The following MFAP4 variants were observed in gnomAD, a reference collection of about 807,000 sequenced individuals.
The protein encoded by MFAP4 is microfibril-associated glycoprotein 4.
In MFAP4, 20 loss-of-function variants were observed where a neutral mutation model predicts 32.4. The ratio of observed to expected loss-of-function variants is 0.62; its 90% CI spans 0.43 to 0.90. The LOEUF is 0.90. Ranked by LOEUF, MFAP4 falls within the 40% of genes least tolerant of loss-of-function variation. The pLI is 0.00. For synonymous variants in MFAP4, 146 were observed against 137.4 expected (o/e 1.06, Z -0.44); for missense variants, 267 against 329.5 (o/e 0.81, Z 1.47).
At position 19,385,079 on chromosome 17, in the gene MFAP4, A is replaced by T; in HGVS notation, c.520+20T>A. ...TTCTTTCCCCTCACAGCCCCTCCCA[A>T]AGCTAACAGCGGGTTATACCTGCCC... is the stretch of plus-strand genomic sequence containing the variant. On this transcript the variant is annotated intron_variant, in intron 5 of 5. Coordinates refer to ENST00000299610, the MANE Select transcript of MFAP4 (RefSeq NM_002404.3). The T allele has an allele frequency of 6.2e-7, 1 of 1,607,082 alleles. No individual in the cohort carries two copies. Among genetic ancestry groups the T allele is most frequent in the Non-Finnish European group, 8.5e-7 (1 of 1,174,970 alleles).
chr17:19,386,976 T>TTCCCCCCCCCCCCCCCCCCCCCCCCA, intron 1 of MFAP4, 138 bp from the exon 2 acceptor site: 1 of 590,550 alleles, frequency 1.7e-6, no homozygotes, highest in Admixed American at 3.0e-5. Flanking sequence ...CCCTCTTCCC[T>TTCCCCCCCCCCCCCCCCCCCCCCCCA]GCCCCCCCAC....
Position 19,384,589 on chromosome 17 carries a change from A to G in MFAP4, c.641T>C (p.Phe214Ser). Residue 214 changes from phenylalanine to serine, a missense_variant, in exon 6 of 6, where the codon TTT (phenylalanine) becomes TCT (serine). Phe to Ser is a radical substitution (Grantham distance 155, BLOSUM62 -2). This residue lies in a region of MFAP4 where 25 missense variants were observed against 57.5 expected (regional missense o/e 0.43). Coordinates refer to ENST00000299610, the MANE Select transcript of MFAP4 (RefSeq NM_002404.3). ...SGAFWFRSCH[F>S]ANLNGFYLGG... Reference sequence around the variant, plus strand: ...TAGGTAGAAGCCATTGAGGTTGGCAAAGTGGCAGCTGCGGAACCAGAAGGC... The same window carrying G: ...TAGGTAGAAGCCATTGAGGTTGGCAGAGTGGCAGCTGCGGAACCAGAAGGC... The G allele has an allele frequency of 6.2e-7, 1 of 1,613,826 alleles. No homozygotes were observed. Among genetic ancestry groups the G allele is most frequent in the Non-Finnish European group, 8.5e-7 (1 of 1,179,982 alleles).
Position 19,384,497 on chromosome 17 carries a change from G to C in MFAP4, c.733C>G (p.Leu245Val). The C allele has an allele frequency of 6.2e-7, 1 of 1,601,942 alleles. No homozygotes were observed. Among genetic ancestry groups the C allele is most frequent in the Non-Finnish European group, 8.5e-7 (1 of 1,173,940 alleles). ...WAQWKGFYYSLKRTEMKIRRA is the reference protein window; with the variant it reads ...WAQWKGFYYSVKRTEMKIRRA ...CGGATTTTCATCTCAGTGCGTTTGA[G>C]GGAGTAGTAGAAGCCCTTCCACTGG... is the stretch of plus-strand genomic sequence containing the variant. The change falls in exon 6 of 6, where the codon CTC becomes GTC. Residue 245 changes from leucine (L) to valine (V), a missense_variant. Transcript: ENST00000299610.
intron 5 of MFAP4, 123 bp from the exon 6 acceptor site, chr17:19,384,832 C>T (rs528980290): frequency 1.5e-6 from 2 of 1,322,950 alleles, no homozygotes; most frequent in South Asian, 1.3e-5. Context: ...ATGGGGGCAC[C>T]CTCCCTGAGC....
At position 19,385,195 on chromosome 17, in the gene MFAP4, C is replaced by T; in HGVS notation, c.424G>A (p.Ala142Thr). Residue 142 changes from alanine (A) to threonine (T), a missense_variant, in exon 5 of 6, where the codon GCC becomes ACC. Around this residue, in one of 3 missense-constraint regions of MFAP4, gnomAD observed 223 missense variants for 253.3 expected, o/e 0.88. Transcript: ENST00000299610. ...LEDFENNTAY[A>T]KYADFSISPN... is the part of the protein sequence containing the mutation. ...GAGATGGAGAAGTCAGCGTACTTGG[C>T]ATAGGCCGTGTTGTTCTCAAAGTCC... 6.2e-7 allele frequency: 1 copy of T among 1,614,284 alleles called. No homozygotes were observed. The highest frequency in any genetic ancestry group is 8.5e-7 in the Non-Finnish European group (1 of 1,180,040).
At position 19,386,787 on chromosome 17, in the gene MFAP4, G is replaced by T. The variant is rs767180037; in HGVS notation, c.58C>A (p.Pro20Thr). The stretch of plus-strand genomic sequence containing the variant: ...TCTCCTCGGATCCCGGAGACCTGGG[G>T]GGCACACGGGGGCGTGGAGAGAAGC... ...LLLLSTPPCA[P>T]QVSGIRGDAL... The change falls in exon 2 of 6, where the codon CCC becomes ACC. Residue 20 changes from proline (P) to threonine (T), a missense_variant. Pro to Thr is a conservative substitution (Grantham distance 38). Transcript: ENST00000299610. The T allele has an allele frequency of 1.9e-6, 3 of 1,577,014 alleles. No individual in the cohort carries two copies. The highest frequency in any genetic ancestry group is 2.3e-5 in the East Asian group (1 of 42,912).
In MFAP4 at chr17:19,385,160, C is replaced by T. The variant is rs113391585; in HGVS notation, c.459G>A (p.Ala153=). The T allele has an allele frequency of 3.7e-4, 600 of 1,614,278 alleles. 1 individual carries two copies. The highest frequency in any genetic ancestry group is 3.1e-3 in the African/African-American group (232 of 75,074). ...TGTAGCCATCCTCCTCTGCGCTGAC[C>T]GCGTTCGGGGAGATGGAGAAGTCAG... ...KYADFSISPN[A]VSAEEDGYTL... Residue 153 remains alanine (A), a synonymous_variant, in exon 5 of 6, where the codon GCG becomes GCA. Transcript: ENST00000299610.
Position 19,385,092 on chromosome 17 carries a change from G to A in MFAP4, c.520+7C>T, listed in dbSNP as rs1042341021. 6.2e-7 allele frequency: 1 copy of A among 1,612,570 alleles called. No individual in the cohort carries two copies. The highest frequency in any genetic ancestry group is 1.1e-5 in the South Asian group (1 of 90,966). Reference sequence around the variant, plus strand: ...CAGCCCCTCCCAAAGCTAACAGCGGGTTATACCTGCCCCGCCATCCTCAAA... The same window carrying A: ...CAGCCCCTCCCAAAGCTAACAGCGGATTATACCTGCCCCGCCATCCTCAAA... On this transcript the variant is annotated splice_region_variant and intron_variant, in intron 5 of 5. Transcript: ENST00000299610.
In MFAP4 at chr17:19,385,289, G is replaced by C; in HGVS notation, c.338-8C>G. 6.2e-7 allele frequency: 1 copy of C among 1,614,252 alleles called. No individual in the cohort carries two copies. Among genetic ancestry groups the C allele is most frequent in the Non-Finnish European group, 8.5e-7 (1 of 1,180,028 alleles). The stretch of plus-strand genomic sequence containing the variant: ...GGTGCATGTTCTGCAGCCCTGGGGA[G>C]GAGGGGCAGCTGGTCAACAAGGACC... On this transcript the variant is annotated splice_region_variant and splice_polypyrimidine_tract_variant and intron_variant, in intron 4 of 5. Transcript: ENST00000299610.
intron 1 of MFAP4, 139 bp from the exon 2 acceptor site, chr17:19,386,977 G>GGGCCCCCCCCCCCCCCCCCCCCCCAAA: frequency 1.5e-6 from 1 of 689,458 alleles, no homozygotes; most frequent in Non-Finnish European, 2.4e-6. Context: ...CCTCTTCCCT[G>GGGCCCCCCCCCCCCCCCCCCCCCCAAA]CCCCCCCACC....
In MFAP4 at chr17:19,384,810, C is replaced by T. The variant is rs75653490; in HGVS notation, c.521-101G>A. On this transcript the variant is annotated intron_variant, in intron 5 of 5. Transcript: ENST00000299610. ...GACGACTGTGAGAGATATCACGTGG[C>T]AGCCTGGCGGGATGGGGGCACCCTC... 6.2e-3 allele frequency: 9,470 copies of T among 1,520,956 alleles called. 257 individuals are homozygous for T. Among genetic ancestry groups the T allele is most frequent in the South Asian group, 0.053 (4,389 of 82,424 alleles). 94.2% of individuals were successfully genotyped at this position (1,520,956 alleles called of 1,614,324 possible). A position where few individuals can be genotyped will look rare whatever the true frequency, so the allele number is the denominator to read the frequency against.
At chr17:19,386,972 T>TGGCGGGGGG in intron 1 of MFAP4, 134 bp from the exon 2 acceptor site, 2 of 937,014 alleles carry the variant, frequency 2.1e-6, no homozygotes, top group Non-Finnish European at 3.4e-6. Flanking sequence ...TGGCCCCTCT[T>TGGCGGGGGG]CCCTGCCCCC....
At position 19,386,720 on chromosome 17, in the gene MFAP4, C is replaced by T. The variant is rs891565286; in HGVS notation, c.85+40G>A. On this transcript the variant is annotated intron_variant, in intron 2 of 5. Transcript: ENST00000299610. ...ACAGTCCAGCCTCTTCTTGCACAAC[C>T]TGTGGGCCAGGCCGCGTCTGTGAGT... 12 of 1,549,054 alleles carry T rather than the reference C, an allele frequency of 7.7e-6. No individual in the cohort carries two copies. The African/African-American group carries it at 1.5e-4, about 19-fold the overall frequency.
Position 19,386,305 on chromosome 17 carries a change from C to T in MFAP4, c.240+5G>A. The T allele has an allele frequency of 1.9e-6, 3 of 1,591,526 alleles. No homozygotes were observed. Among genetic ancestry groups the T allele is most frequent in the East Asian group, 2.3e-5 (1 of 44,176 alleles). On this transcript the variant is annotated splice_donor_5th_base_variant and intron_variant, in intron 3 of 5. Transcript: ENST00000299610. Reference sequence around the variant, plus strand: ...CTCTGGCCTCTGTTCCCTCCTCCCACTCACCGTCCACTTCCCGCCCTCGGT... The same window carrying T: ...CTCTGGCCTCTGTTCCCTCCTCCCATTCACCGTCCACTTCCCGCCCTCGGT...
At position 19,387,136 on chromosome 17, in the gene MFAP4, C is replaced by T. The variant is rs1913072750; in HGVS notation, c.6+14G>A. ...TCCCCCATGCTATGAGTCCCCCGACCCTGGGCCCCGTACCTTCATGCTGTC... is the reference window on the plus strand; with the variant it reads ...TCCCCCATGCTATGAGTCCCCCGACTCTGGGCCCCGTACCTTCATGCTGTC... On this transcript the variant is annotated intron_variant, in intron 1 of 5. Transcript: ENST00000299610. 3.1e-6 allele frequency: 5 copies of T among 1,611,804 alleles called. No homozygotes were observed. Among genetic ancestry groups the T allele is most frequent in the African/African-American group, 2.7e-5 (2 of 74,780 alleles).
In MFAP4 at chr17:19,387,132, C is replaced by T. The variant is rs756471363; in HGVS notation, c.6+18G>A. 21 of 1,611,864 alleles carry T rather than the reference C, an allele frequency of 1.3e-5. No homozygotes were observed. Among genetic ancestry groups the T allele is most frequent in the Middle Eastern group, 2.0e-4 (1 of 4,924 alleles). ...CAGTTCCCCCATGCTATGAGTCCCC[C>T]GACCCTGGGCCCCGTACCTTCATGC... On this transcript the variant is annotated intron_variant, in intron 1 of 5. Transcript: ENST00000299610.
rs778844641 is a variant in MFAP4, at chr17:19,386,821, C to T, written c.24G>A (p.Pro8=). 5.0e-5 allele frequency: 78 copies of T among 1,566,602 alleles called. No homozygotes were observed. Among genetic ancestry groups the T allele is most frequent in the Admixed American group, 7.6e-5 (4 of 52,696 alleles). ...GGGGCGTGGAGAGAAGCAGCAGCAG[C>T]GGCAGGGCCAGGAGTGCCTGGCGAT... is the stretch of plus-strand genomic sequence containing the variant. MKALLAL[P]LLLLLSTPPC... is the part of the protein sequence containing the mutation. Residue 8 remains proline, a synonymous_variant, in exon 2 of 6, where the codon CCG becomes CCA. Transcript: ENST00000299610.
At position 19,386,455 on chromosome 17, in the gene MFAP4, C is replaced by G. The variant is rs752492765; in HGVS notation, c.95G>C (p.Arg32Thr). The G allele has an allele frequency of 3.0e-5, 48 of 1,612,276 alleles. No homozygotes were observed. Among genetic ancestry groups the G allele is most frequent in the Non-Finnish European group, 4.0e-5 (47 of 1,179,138 alleles). Residue 32 changes from arginine (R) to threonine (T), a missense_variant, in exon 3 of 6, where the codon AGG becomes ACG. Physicochemically the swap from Arg to Thr is moderately conservative, Grantham distance 71. Around this residue, in one of 3 missense-constraint regions of MFAP4, gnomAD observed 223 missense variants for 253.3 expected, o/e 0.88. Coordinates refer to ENST00000299610, the MANE Select transcript of MFAP4 (RefSeq NM_002404.3). ...GTCCAGGGGTTGCTGAAGGCAAAAC[C>G]TCTCCAGAGCTGGGGGTAGGGACAT... The part of the protein sequence containing the change: ...VSGIRGDALE[R>T]FCLQQPLDCD...
intron 2 of MFAP4, 86 bp downstream of exon 2, chr17:19,386,674 C>G (rs931530517): frequency 6.9e-7 from 1 of 1,448,948 alleles, no homozygotes; most frequent in Non-Finnish European, 9.5e-7. Flanking sequence ...AGCTGGGGCT[C>G]GGCCCTGACA....
Sources: allele counts gnomAD v4.1 joint callset, GRCh38; gene constraint gnomAD v4.1.1; regional missense constraint gnomAD v4.1.1; transcripts MANE v1.5; gene names NCBI Gene and HGNC (gene_info 2026-07-23, HGNC 2026-07-21).